PRRC2B: variants seen among roughly 807,000 people sequenced by gnomAD.
The protein encoded by PRRC2B is protein PRRC2B.
In PRRC2B, 68 loss-of-function variants were observed where a neutral mutation model predicts 242.3. The observed-to-expected ratio is 0.28, with a 90% CI of 0.23 to 0.34. PRRC2B has a LOEUF of 0.34. Among genes scored for constraint, PRRC2B ranks in the 10% least tolerant of loss-of-function variants. The pLI, the probability that PRRC2B is intolerant of heterozygous loss-of-function variation, is 1.00. For synonymous variants in PRRC2B, 1,228 were observed against 1,173.6 expected (o/e 1.05, Z -0.95); for missense variants, 2,835 against 2,954.8 (o/e 0.96, Z 0.94).
intron 1 of PRRC2B, among the ~76,000 whole-genome samples, chr9:131,409,231 A>G (rs1163019249): frequency 1.3e-5 from 2 of 152,202 alleles, no homozygotes; most frequent in Non-Finnish European, 2.9e-5. Context: ...CATGTTGGTC[A>G]GGCTGGTCTC....
At chr9:131,478,059 C>T in intron 17 of PRRC2B, 110 bp downstream of exon 17, 1 of 909,258 alleles carries the variant, frequency 1.1e-6, no homozygotes, top group South Asian at 1.6e-5. Context: ...GCTTTCGGAA[C>T]AGCTCGGCCA....
At position 131,487,401 on chromosome 9, in the gene PRRC2B, A is replaced by AT; in HGVS notation, c.5984+107_5984+108insT. On this transcript the variant is annotated intron_variant, in intron 27 of 31. Transcript: ENST00000683519. The surrounding 1 kb of genome is among the most constrained non-coding windows in gnomAD (Gnocchi z 5.3). ...TTTGGTGCTTGTCTGCTTTGGGGCCAGTGGGGCGGGGAGGGGTGGGAGTTT... is the reference window on the plus strand; with the variant it reads ...TTTGGTGCTTGTCTGCTTTGGGGCCATGTGGGGCGGGGAGGGGTGGGAGTTT... The AT allele has an allele frequency of 4.5e-6, 2 of 447,016 alleles. No homozygotes were observed. Among genetic ancestry groups the AT allele is most frequent in the Non-Finnish European group, 4.0e-6 (1 of 249,224 alleles). The allele number at this position is 447,016 out of a possible 1,614,324, so 27.7% of individuals were successfully genotyped here. A position where few individuals can be genotyped will look rare whatever the true frequency, so the allele number is the denominator to read the frequency against.
chr9:131,440,239 G>A (rs970521829), intron 5 of PRRC2B, among the ~76,000 whole-genome samples: 5 of 152,150 alleles, frequency 3.3e-5, no homozygotes, highest in African/African-American at 4.8e-5. Context: ...TTTATGAAGA[G>A]CATTCACTGG....
chr9:131,446,649 C>A lies in PRRC2B; in HGVS notation c.855+7C>A. The A allele has an allele frequency of 6.2e-7, 1 of 1,613,360 alleles. No individual in the cohort carries two copies. Among genetic ancestry groups the A allele is most frequent in the South Asian group, 1.1e-5 (1 of 91,066 alleles). ...TGACATGCTTCCTGCTTTTGTAAGT[C>A]TTCAGAGTGTACTTTTTTTCCCCCC... On this transcript the variant is annotated splice_region_variant and intron_variant, in intron 7 of 31. Transcript: ENST00000683519. The surrounding 1 kb of genome is among the most constrained non-coding windows in gnomAD (Gnocchi z 4.1).
chr9:131,447,641 C>T lies in PRRC2B; in HGVS notation c.978-21C>T, dbSNP rs745863908. On this transcript the variant is annotated intron_variant, in intron 8 of 31. Transcript: ENST00000683519. ...TCCGTCTGTATACTGGACATGATTC[C>T]ATCATCTTTTCTTTTATCAGAAAAG... 6.4e-6 allele frequency: 10 copies of T among 1,568,432 alleles called. No individual in the cohort carries two copies. The South Asian group carries it at 8.0e-5, about 13-fold the overall frequency.
chr9:131,417,942 G>A lies in PRRC2B; in HGVS notation c.-51-12152G>A, dbSNP rs114435744. On this transcript the variant is annotated intron_variant, in intron 1 of 31. Transcript: ENST00000683519. ...TCAAGAACTGCCATTTGCTGTGGTC[G>A]CTACAGAGCATGGTGAGGCCCAGAG... is the stretch of plus-strand genomic sequence containing the variant. Among the ~76,000 whole-genome samples, 492 of 152,288 alleles carry A rather than the reference G, an allele frequency of 3.2e-3. 2 individuals are homozygous for A. Among genetic ancestry groups the A allele is most frequent in the African/African-American group, 0.011 (474 of 41,562 alleles).
intron 1 of PRRC2B, among the ~76,000 whole-genome samples, chr9:131,377,289 A>G (rs1214240623): frequency 6.6e-6 from 1 of 152,064 alleles, no homozygotes; most frequent in Non-Finnish European, 1.5e-5. Flanking sequence ...TAATTTTTGT[A>G]TTTTTAGTAC....
At chr9:131,397,563 G>GTTTTTTTTTTTTTTT (rs58424444) in intron 1 of PRRC2B, among the ~76,000 whole-genome samples, 3 of 98,990 alleles carry the variant, frequency 3.0e-5, no homozygotes, top group African/African-American at 8.4e-5. Flanking sequence ...ACTTTTGAGG[G>GTTTTTTTTTTTTTTT]TTTTTTTTTT....
intron 4 of PRRC2B, among the ~76,000 whole-genome samples, chr9:131,437,323 C>T (rs1242858127): frequency 2.6e-5 from 4 of 152,260 alleles, no homozygotes; most frequent in Non-Finnish European, 4.4e-5. Context: ...TTGGGAAATA[C>T]GAAGCTACAA....
At chr9:131,389,386 A>G (rs2131268797), upstream of PRRC2B, among the ~76,000 whole-genome samples, 1 of 149,102 alleles carries the variant, frequency 6.7e-6, no homozygotes, top group South Asian at 2.1e-4. Context: ...CACACTCCCA[A>G]CCTCAGGCAA....
At chr9:131,492,610 G>A (rs1418110106) in intron 30 of PRRC2B, among the ~76,000 whole-genome samples, 3 of 152,360 alleles carry the variant, frequency 2.0e-5, no homozygotes, top group South Asian at 2.1e-4. Flanking sequence ...CCACAGGGCT[G>A]CATCCTGGCA....
intron 1 of PRRC2B, among the ~76,000 whole-genome samples, chr9:131,377,790 C>T (rs1836706462): frequency 6.6e-6 from 1 of 152,140 alleles, no homozygotes; most frequent in Non-Finnish European, 1.5e-5. Flanking sequence ...AGGTCTTGCC[C>T]TCTCGCCCAG....
rs748446330 is a variant in PRRC2B, at chr9:131,481,682, G to A, written c.4901-44G>A. 42 of 1,438,048 alleles carry A rather than the reference G, an allele frequency of 2.9e-5. 1 individual carries two copies. The highest frequency in any genetic ancestry group is 1.2e-4 in the South Asian group (10 of 81,820). The allele number at this position is 1,438,048 out of a possible 1,614,324, so 89.1% of individuals were successfully genotyped here. ...TTAAGAGCTCATAAACTCTCTAGAC[G>A]GGTTGCTCTTTGATGCCCTGACTCT... On this transcript the variant is annotated intron_variant, in intron 19 of 31. Coordinates refer to ENST00000683519, the MANE Select transcript of PRRC2B (RefSeq NM_013318.4).
intron 1 of PRRC2B, among the ~76,000 whole-genome samples, chr9:131,418,016 A>C (rs1486696163): frequency 6.6e-6 from 1 of 152,286 alleles, no homozygotes; most frequent in Middle Eastern, 3.4e-3. Flanking sequence ...TCTTACACAT[A>C]TGGAGGGTGA....
At chr9:131,455,044 C>G in intron 9 of PRRC2B, 32 bp from the exon 10 acceptor site, 1 of 1,559,642 alleles carries the variant, frequency 6.4e-7, no homozygotes, top group African/African-American at 1.4e-5. Context: ...TTCATTCTTT[C>G]TCATTCTTCC....
At chr9:131,402,291 TTTC>T (rs1837248414) in intron 1 of PRRC2B, among the ~76,000 whole-genome samples, 1 of 152,162 alleles carries the variant, frequency 6.6e-6, no homozygotes, top group Admixed American at 6.5e-5. Flanking sequence ...ACCATTTTAC[TTTC>T]TTTCTGTGAA....
chr9:131,407,835 ACCTCTGAG>A (rs1588239412), intron 1 of PRRC2B, among the ~76,000 whole-genome samples: 1 of 152,084 alleles, frequency 6.6e-6, no homozygotes, highest in Non-Finnish European at 1.5e-5. Context: ...TTCTCACTTC[ACCTCTGAG>A]CCTCTGTTCC....
At chr9:131,398,501 A>T (rs1588236921) in intron 1 of PRRC2B, among the ~76,000 whole-genome samples, 1 of 151,830 alleles carries the variant, frequency 6.6e-6, no homozygotes, top group Non-Finnish European at 1.5e-5. Flanking sequence ...TTCCGTTCTT[A>T]CCTCTGCAGC....
intron 1 of PRRC2B, among the ~76,000 whole-genome samples, chr9:131,405,188 C>T (rs1007945913): frequency 5.9e-5 from 9 of 152,230 alleles, no homozygotes; most frequent in Admixed American, 2.0e-4. Context: ...ACAGCAGCTC[C>T]GTTCACAGTG....
Sources: gnomAD v4.1 joint callset for allele counts (sites outside exome capture counted in the v4.1 genomes callset) on GRCh38, gnomAD v4.1.1 for gene constraint, Gnocchi (gnomAD v3.1) non-coding constraint, MANE v1.5 for transcripts, NCBI Gene and HGNC (gene_info 2026-07-23, HGNC 2026-07-21) for gene names.